Variants in HIVEP1 observed in about 807,000 individuals in gnomAD.
The protein encoded by HIVEP1 is HIVEP zinc finger 1.
In HIVEP1, 36 loss-of-function variants were observed where a neutral mutation model predicts 180.0. The observed-to-expected ratio is 0.20, with a 90% CI of 0.15 to 0.26. The LOEUF is 0.26. Ranked by LOEUF, HIVEP1 falls within the 10% of genes least tolerant of loss-of-function variation. The pLI is 1.00. For missense variants in HIVEP1, 3,143 were observed against 3,268.7 expected, an observed-to-expected ratio of 0.96 and a Z score of 0.94; for synonymous variants, 1,239 against 1,239.0, an observed-to-expected ratio of 1.00 and a Z score of 0.00.
chr6:12,113,028 G>T (rs1408354167), intron 3 of HIVEP1, among the ~76,000 whole-genome samples: 1 of 151,934 alleles, frequency 6.6e-6, no homozygotes, highest in Non-Finnish European at 1.5e-5. Context: ...GGGAGAGTTG[G>T]CTTCATGCCT....
At chr6:12,182,246 G>A in the HIVEP1 span, among the ~76,000 whole-genome samples, 1 of 152,148 alleles carries the variant, frequency 6.6e-6, no homozygotes, top group African/African-American at 2.4e-5. Context: ...AATAATTTAT[G>A]TGTGATATCA....
At chr6:12,083,570 CAG>C (rs899656679) in intron 2 of HIVEP1, among the ~76,000 whole-genome samples, 1 of 152,032 alleles carries the variant, frequency 6.6e-6, no homozygotes, top group African/African-American at 2.4e-5. Context: ...GCCAGGGACA[CAG>C]AGGAGTTTGA....
intron 7 of HIVEP1, among the ~76,000 whole-genome samples, chr6:12,154,881 TTCTC>T (rs34125199): frequency 6.6e-6 from 1 of 152,004 alleles, no homozygotes; most frequent in Non-Finnish European, 1.5e-5. Context: ...AATTTGTATC[TTCTC>T]TCTCTCTTTC....
At chr6:12,151,833 A>C (rs1274158798) in intron 7 of HIVEP1, among the ~76,000 whole-genome samples, 10 of 152,228 alleles carry the variant, frequency 6.6e-5, no homozygotes, top group Admixed American at 6.5e-4. Context: ...CACAAGAACC[A>C]GTGGAGAGCC....
chr6:12,168,344 CATGTAT>C (rs1760811465), downstream of HIVEP1, among the ~76,000 whole-genome samples: 1 of 43,122 alleles, frequency 2.3e-5, no homozygotes, highest in Non-Finnish European at 5.3e-5. Context: ...ATTATATATA[CATGTAT>C]ATGTATATAT....
At chr6:12,134,940 C>A (rs1347382179) in intron 6 of HIVEP1, among the ~76,000 whole-genome samples, 1 of 152,142 alleles carries the variant, frequency 6.6e-6, no homozygotes, top group Non-Finnish European at 1.5e-5. Flanking sequence ...ATTACAATGA[C>A]CCAAAATAGT....
At chr6:12,159,988 A>G (rs1417871218) in intron 7 of HIVEP1, among the ~76,000 whole-genome samples, 3 of 152,220 alleles carry the variant, frequency 2.0e-5, no homozygotes, top group Non-Finnish European at 2.9e-5. Context: ...ATTAATATCT[A>G]GGCCATTTGG....
intron 3 of HIVEP1, among the ~76,000 whole-genome samples, chr6:12,102,134 C>T (rs542850228): frequency 6.6e-6 from 1 of 152,130 alleles, no homozygotes; most frequent in African/African-American, 2.4e-5. Context: ...GAGAAATAGA[C>T]AATTCAACAA....
intron 2 of HIVEP1, among the ~76,000 whole-genome samples, chr6:12,023,636 A>G (rs1768394763): frequency 6.7e-6 from 1 of 149,506 alleles, no homozygotes; most frequent in East Asian, 2.0e-4. Context: ...ATGAAAATGG[A>G]GTTAACATAG....
chr6:12,033,543 T>C (rs191411962), intron 2 of HIVEP1, among the ~76,000 whole-genome samples: 3 of 152,338 alleles, frequency 2.0e-5, no homozygotes, highest in Admixed American at 6.5e-5. Flanking sequence ...TTCTGTGATA[T>C]TTAAGTTAAT....
the HIVEP1 span, among the ~76,000 whole-genome samples, chr6:12,197,874 G>T: frequency 1.3e-5 from 2 of 152,124 alleles, no homozygotes. Flanking sequence ...GAAAACAGAT[G>T]GGTTTGAAAG....
intron 7 of HIVEP1, among the ~76,000 whole-genome samples, chr6:12,143,752 G>T (rs575315740): frequency 6.6e-6 from 1 of 151,944 alleles, no homozygotes; most frequent in African/African-American, 2.4e-5. Context: ...ACAGACAAAC[G>T]GAGAGCCAAA....
chr6:12,175,033 A>T, the HIVEP1 span, among the ~76,000 whole-genome samples: 1 of 152,202 alleles, frequency 6.6e-6, no homozygotes, highest in African/African-American at 2.4e-5. Context: ...ATGACCATAG[A>T]TTGTGTCTCT....
In HIVEP1 at chr6:12,164,349, C is replaced by G; in HGVS notation, c.8045C>G (p.Ser2682Cys). The change falls in exon 9 of 9, where the codon TCT (serine) becomes TGT (cysteine). Residue 2682 changes from serine (S) to cysteine (C), a missense_variant. Physicochemically the swap from Ser to Cys is moderately radical, Grantham distance 112. Coordinates refer to ENST00000379388, the MANE Select transcript of HIVEP1 (RefSeq NM_002114.4). ...FTKPSGQQTL[S>C]PDRQVPRPTA... ...AAGCCCTCAGGCCAGCAGACTCTCT[C>G]TCCAGACAGACAGGTTCCCAGGCCC... The G allele has an allele frequency of 6.2e-7, 1 of 1,614,106 alleles. No individual in the cohort carries two copies.
chr6:12,048,497 C>A (rs912727432), intron 2 of HIVEP1, among the ~76,000 whole-genome samples: 1 of 152,110 alleles, frequency 6.6e-6, no homozygotes, highest in Non-Finnish European at 1.5e-5. Context: ...AAAATCTTAC[C>A]TTTTTTAAAA....
At chr6:12,167,784 TATATA>T (rs1760766777), downstream of HIVEP1, among the ~76,000 whole-genome samples, 1 of 144,550 alleles carries the variant, frequency 6.9e-6, no homozygotes, top group South Asian at 2.1e-4. Context: ...TAGATGTGCG[TATATA>T]ATATATACAC....
intron 2 of HIVEP1, among the ~76,000 whole-genome samples, chr6:12,065,602 C>T (rs959709656): frequency 3.3e-5 from 5 of 152,098 alleles, no homozygotes; most frequent in African/African-American, 9.7e-5. Flanking sequence ...TGTGAATTCG[C>T]TTCTGTGTGC....
intron 2 of HIVEP1, among the ~76,000 whole-genome samples, chr6:12,070,416 G>A (rs1052100039): frequency 6.6e-6 from 1 of 152,084 alleles, no homozygotes; most frequent in African/African-American, 2.4e-5. Context: ...GGCCGGGTGC[G>A]GTGGCTCATG....
chr6:12,210,893 ATTT>A, the HIVEP1 span, among the ~76,000 whole-genome samples: 4 of 151,488 alleles, frequency 2.6e-5, no homozygotes, highest in Non-Finnish European at 5.9e-5. Flanking sequence ...AAAAAAAATC[ATTT>A]TTTTTTTCTG....
Sources: allele counts gnomAD v4.1 joint callset (sites outside exome capture counted in the v4.1 genomes callset), GRCh38; gene constraint gnomAD v4.1.1; transcripts MANE v1.5; gene names NCBI Gene and HGNC (gene_info 2026-07-23, HGNC 2026-07-21).